The following NAALADL2 variants were observed in gnomAD, a reference collection of about 807,000 sequenced individuals.
NAALADL2 encodes N-acetylated alpha-linked acidic dipeptidase like 2.
NAALADL2 carries 76 observed loss-of-function variants against 87.2 expected under a neutral mutation model. That is an observed-to-expected ratio of 0.87 (90% confidence interval 0.72 to 1.05). NAALADL2 has a LOEUF of 1.05. NAALADL2 is among the 50% of genes least tolerant of loss of function. NAALADL2 has a pLI of 0.00. For missense variants in NAALADL2, 1,089 were observed against 945.8 expected, an observed-to-expected ratio of 1.15 and a Z score of -1.99; for synonymous variants, 354 against 331.0, an observed-to-expected ratio of 1.07 and a Z score of -0.75.
intron 2 of NAALADL2, among the ~76,000 whole-genome samples, chr3:175,156,342 T>C (rs1464245570): frequency 6.6e-6 from 1 of 152,108 alleles, no homozygotes; most frequent in African/African-American, 2.4e-5. Context: ...ACTACCTCAG[T>C]GTAGATAGTA....
intron 2 of NAALADL2, among the ~76,000 whole-genome samples, chr3:175,133,160 G>T (rs1448802401): frequency 1.3e-5 from 2 of 151,602 alleles, no homozygotes; most frequent in Non-Finnish European, 2.9e-5. Flanking sequence ...TTCCTAGATG[G>T]GATGGCCGCC....
intron 2 of NAALADL2, among the ~76,000 whole-genome samples, chr3:174,711,639 C>T (rs1157773402): frequency 1.3e-5 from 2 of 152,108 alleles, no homozygotes; most frequent in African/African-American, 4.8e-5. Flanking sequence ...TTATTCTCCC[C>T]AAATTATAGG....
At chr3:174,793,543 G>C (rs1171414411) in intron 3 of NAALADL2, among the ~76,000 whole-genome samples, 3 of 152,106 alleles carry the variant, frequency 2.0e-5, no homozygotes, top group Admixed American at 6.6e-5. Context: ...TGTGTCCATT[G>C]ATAGTTCTGA....
At chr3:175,095,964 C>T (rs1721084250) in intron 1 of NAALADL2, among the ~76,000 whole-genome samples, 1 of 152,126 alleles carries the variant, frequency 6.6e-6, no homozygotes, top group African/African-American at 2.4e-5. Flanking sequence ...ATACAACAAG[C>T]TGTCATCCAA....
Position 175,252,970 on chromosome 3 carries a change from A to G in NAALADL2, c.820-3441A>G, listed in dbSNP as rs114651767. Among the ~76,000 whole-genome samples the G allele has an allele frequency of 7.6e-3, 1,164 of 152,308 alleles. 16 individuals carry two copies. The highest frequency in any genetic ancestry group is 0.025 in the African/African-American group (1,054 of 41,554). On this transcript the variant is annotated intron_variant, in intron 3 of 13. Coordinates refer to ENST00000454872, the MANE Select transcript of NAALADL2 (RefSeq NM_207015.3). ...GGGTTGATCCATGAGGTTTAAGAAAAGAAGCTATCTCCATGACATAAAAGT... is the reference window on the plus strand; with the variant it reads ...GGGTTGATCCATGAGGTTTAAGAAAGGAAGCTATCTCCATGACATAAAAGT...
chr3:174,441,366 T>C (rs901263903), intron 1 of NAALADL2, among the ~76,000 whole-genome samples: 2 of 152,100 alleles, frequency 1.3e-5, no homozygotes, highest in Admixed American at 1.3e-4. Context: ...CCGCTTGTCT[T>C]AGGAGAGGAG....
intron 1 of NAALADL2, among the ~76,000 whole-genome samples, chr3:174,990,243 A>G (rs1302287078): frequency 6.6e-6 from 1 of 152,120 alleles, no homozygotes; most frequent in Admixed American, 6.6e-5. Flanking sequence ...AGTTACTGGA[A>G]ACCTAGGATA....
At chr3:175,315,966 G>A (rs1315159453) in intron 4 of NAALADL2, among the ~76,000 whole-genome samples, 1 of 152,084 alleles carries the variant, frequency 6.6e-6, no homozygotes, top group African/African-American at 2.4e-5. Flanking sequence ...ATTTAAAAAT[G>A]CAATTAATGT....
chr3:175,506,929 G>A (rs1485108545), intron 9 of NAALADL2, among the ~76,000 whole-genome samples: 3 of 152,116 alleles, frequency 2.0e-5, no homozygotes, highest in African/African-American at 7.2e-5. Context: ...AGGGGGAAAT[G>A]ACATGCACGG....
At chr3:175,799,490 T>C (rs1018568304) in intron 13 of NAALADL2, among the ~76,000 whole-genome samples, 1 of 152,152 alleles carries the variant, frequency 6.6e-6, no homozygotes, top group South Asian at 2.1e-4. Flanking sequence ...ATGTTTGATA[T>C]GTATCCTGGC....
In NAALADL2 at chr3:175,506,440, A is replaced by G. The variant is rs116173787; in HGVS notation, c.1653+34682A>G. On this transcript the variant is annotated intron_variant, in intron 9 of 13. Coordinates refer to ENST00000454872, the MANE Select transcript of NAALADL2 (RefSeq NM_207015.3). ...GGAACTATCATCTTCCACTCTCTAA[A>G]TGTTTAATCTAATAATTTCAAAGAT... Among the ~76,000 whole-genome samples the G allele has an allele frequency of 1.1e-3, 168 of 152,326 alleles. 1 individual carries two copies. The highest frequency in any genetic ancestry group is 3.8e-3 in the African/African-American group (158 of 41,560).
intron 13 of NAALADL2, among the ~76,000 whole-genome samples, chr3:175,764,277 C>T (rs980082947): frequency 6.6e-6 from 1 of 151,984 alleles, no homozygotes; most frequent in Non-Finnish European, 1.5e-5. Flanking sequence ...TCAGTAACTA[C>T]ACTTATATGA....
chr3:174,617,149 G>A (rs996772239), intron 2 of NAALADL2, among the ~76,000 whole-genome samples: 1 of 151,744 alleles, frequency 6.6e-6, no homozygotes, highest in Non-Finnish European at 1.5e-5. Context: ...TAATGCAAAA[G>A]GCTGTTAGTC....
intron 1 of NAALADL2, among the ~76,000 whole-genome samples, chr3:174,921,249 A>G (rs987652318): frequency 1.3e-5 from 2 of 152,214 alleles, no homozygotes; most frequent in Non-Finnish European, 2.9e-5. Flanking sequence ...AAGTTCAATA[A>G]AATGAGGTAT....
chr3:175,041,226 G>T (rs962502101), intron 1 of NAALADL2, among the ~76,000 whole-genome samples: 39 of 152,064 alleles, frequency 2.6e-4, no homozygotes, highest in Middle Eastern at 3.4e-3. Flanking sequence ...ACTTCTTCAA[G>T]GTTCTTAAAA....
intron 9 of NAALADL2, among the ~76,000 whole-genome samples, chr3:175,561,172 T>C (rs1716215165): frequency 6.6e-6 from 1 of 152,154 alleles, no homozygotes; most frequent in Admixed American, 6.5e-5. Flanking sequence ...TTCTAAGACA[T>C]CCTATGGGTG....
At chr3:174,797,135 A>G (rs1165198958) in intron 3 of NAALADL2, among the ~76,000 whole-genome samples, 1 of 151,924 alleles carries the variant, frequency 6.6e-6, no homozygotes. Flanking sequence ...ATTTTTGTAT[A>G]TGGTGAGATA....
At chr3:175,125,602 C>T (rs892839255) in intron 2 of NAALADL2, among the ~76,000 whole-genome samples, 4 of 151,968 alleles carry the variant, frequency 2.6e-5, no homozygotes, top group Non-Finnish European at 5.9e-5. Context: ...AATACTTTTA[C>T]ATTTTTTGGC....
chr3:175,381,877 A>G (rs954812046), intron 5 of NAALADL2, among the ~76,000 whole-genome samples: 2 of 152,124 alleles, frequency 1.3e-5, no homozygotes, highest in African/African-American at 4.8e-5. Context: ...GCGGGCCTGC[A>G]TGCTGGGATT....
Sources: gnomAD v4.1 joint callset for allele counts (sites outside exome capture counted in the v4.1 genomes callset) on GRCh38, gnomAD v4.1.1 for gene constraint, MANE v1.5 for transcripts, NCBI Gene and HGNC (gene_info 2026-07-23, HGNC 2026-07-21) for gene names.